GABRG3: variants seen among roughly 807,000 people sequenced by gnomAD.
The protein encoded by GABRG3 is gamma-aminobutyric acid receptor subunit gamma-3.
In GABRG3, 25 loss-of-function variants were observed where a neutral mutation model predicts 48.8. That is an observed-to-expected ratio of 0.51 (90% CI 0.37 to 0.72). The LOEUF (loss-of-function observed/expected upper bound fraction) is 0.72, where lower values mean the gene tolerates loss of function less well. GABRG3 is among the 30% of genes least tolerant of loss of function. The pLI is 0.00. For missense variants in GABRG3, 394 were observed against 577.9 expected (o/e 0.68, Z 3.26); for synonymous variants, 227 against 217.6 (o/e 1.04, Z -0.38).
At chr15:27,306,510 TATAA>T (rs1313210619) in intron 3 of GABRG3, among the ~76,000 whole-genome samples, 1 of 138,570 alleles carries the variant, frequency 7.2e-6, no homozygotes, top group Non-Finnish European at 1.5e-5. Flanking sequence ...TATGTCTATA[TATAA>T]ACATATATAA....
intron 3 of GABRG3, among the ~76,000 whole-genome samples, chr15:27,260,841 A>G (rs1890746644): frequency 6.6e-6 from 1 of 152,128 alleles, no homozygotes; most frequent in Non-Finnish European, 1.5e-5. Flanking sequence ...AACCTGTCCT[A>G]ATGAGCTGAT....
intron 3 of GABRG3, among the ~76,000 whole-genome samples, chr15:27,071,552 G>T (rs577818675): frequency 3.9e-5 from 6 of 152,338 alleles, no homozygotes; most frequent in African/African-American, 1.4e-4. Context: ...CGTGTCCATA[G>T]ATGTGATTGC....
chr15:27,472,802 A>T (rs1015452617), intron 5 of GABRG3, among the ~76,000 whole-genome samples: 4 of 152,166 alleles, frequency 2.6e-5, no homozygotes, highest in African/African-American at 9.7e-5. Flanking sequence ...CTCTACATAT[A>T]TACATATGTA....
intron 3 of GABRG3, among the ~76,000 whole-genome samples, chr15:27,071,032 G>A (rs72715949): frequency 0.17 from 26,038 of 152,128 alleles, 2,362 homozygotes; most frequent in Middle Eastern, 0.25. Flanking sequence ...TGAATAACTA[G>A]GAGGAAGTCT....
chr15:27,031,843 A>G (rs1431351429), intron 3 of GABRG3, among the ~76,000 whole-genome samples: 1 of 152,218 alleles, frequency 6.6e-6, no homozygotes, highest in Non-Finnish European at 1.5e-5. Context: ...ATCTAAGCTC[A>G]GGAAAGTTTA....
chr15:27,210,111 A>G (rs1889023567), intron 3 of GABRG3, among the ~76,000 whole-genome samples: 1 of 152,156 alleles, frequency 6.6e-6, no homozygotes, highest in African/African-American at 2.4e-5. Flanking sequence ...TAACTATGGG[A>G]TGTTGAAGCA....
chr15:27,035,740 G>A (rs1394937047), intron 3 of GABRG3, among the ~76,000 whole-genome samples: 3 of 152,322 alleles, frequency 2.0e-5, no homozygotes, highest in Non-Finnish European at 2.9e-5. Context: ...AGGACAGGAC[G>A]AGGCACTGTT....
At chr15:27,031,449 T>A (rs1896085236) in intron 3 of GABRG3, among the ~76,000 whole-genome samples, 1 of 152,184 alleles carries the variant, frequency 6.6e-6, no homozygotes. Flanking sequence ...CTTTTTTTCC[T>A]TCGTTTTAAA....
intron 2 of GABRG3, among the ~76,000 whole-genome samples, chr15:27,022,640 G>A (rs1895916526): frequency 1.3e-5 from 2 of 152,158 alleles, no homozygotes; most frequent in South Asian, 2.1e-4. Context: ...CAATAAGCAA[G>A]GCAAAGCATC....
intron 3 of GABRG3, among the ~76,000 whole-genome samples, chr15:27,102,216 A>G (rs1897373571): frequency 6.6e-6 from 1 of 152,210 alleles, no homozygotes; most frequent in African/African-American, 2.4e-5. Flanking sequence ...GAGCTAGTCA[A>G]TTCATTTCAG....
At chr15:27,431,819 T>A (rs998235015) in intron 5 of GABRG3, among the ~76,000 whole-genome samples, 1 of 152,246 alleles carries the variant, frequency 6.6e-6, no homozygotes, top group African/African-American at 2.4e-5. Context: ...AGCAGCTGAT[T>A]TTCATATATT....
rs572129504 is a variant in GABRG3 at position 27,427,681 on chromosome 15, A to G, written c.575-52969A>G. On this transcript the variant is annotated intron_variant, in intron 5 of 9. Coordinates refer to ENST00000615808, the MANE Select transcript of GABRG3 (RefSeq NM_033223.5). ...TACCTCTATGTTCAGTTCTCATTTA[A>G]TCATTTGTTCCAAATTACAAATTCT... is the stretch of plus-strand genomic sequence containing the variant. 5.3e-5 allele frequency among the ~76,000 whole-genome samples: 8 copies of G among 152,334 alleles called. No homozygotes were observed. The South Asian group carries it at 1.7e-3, about 32-fold the overall frequency.
chr15:27,500,841 TAA>T (rs56087210), intron 6 of GABRG3, among the ~76,000 whole-genome samples: 2,345 of 148,604 alleles, frequency 0.016, 66 homozygotes, highest in African/African-American at 0.056. Flanking sequence ...TATTTGCTGT[TAA>T]AAAAAAAAAA....
intron 2 of GABRG3, among the ~76,000 whole-genome samples, chr15:26,981,450 G>A (rs1353635055): frequency 6.6e-6 from 1 of 152,130 alleles, no homozygotes. Flanking sequence ...AATGCTCCAC[G>A]GTCTTGAAAA....
chr15:27,175,650 G>A (rs1352100861), intron 3 of GABRG3, among the ~76,000 whole-genome samples: 2 of 152,166 alleles, frequency 1.3e-5, no homozygotes, highest in African/African-American at 2.4e-5. Flanking sequence ...CAGTGGAGAC[G>A]ATAAAACAAA....
intron 3 of GABRG3, among the ~76,000 whole-genome samples, chr15:27,140,270 C>T (rs893423510): frequency 2.0e-5 from 3 of 152,038 alleles, no homozygotes; most frequent in Admixed American, 6.6e-5. Context: ...GCCCTCAACC[C>T]GTGAGGGCTG....
intron 6 of GABRG3, among the ~76,000 whole-genome samples, chr15:27,513,642 A>G (rs1890952415): frequency 6.6e-6 from 1 of 152,114 alleles, no homozygotes; most frequent in Non-Finnish European, 1.5e-5. Flanking sequence ...AATGTTTGTG[A>G]GACGAGGAAA....
intron 3 of GABRG3, among the ~76,000 whole-genome samples, chr15:27,141,223 T>A (rs1451453522): frequency 2.0e-5 from 3 of 152,228 alleles, no homozygotes; most frequent in African/African-American, 7.2e-5. Context: ...TTAGACCGCT[T>A]TGTCTAGTTA....
intron 3 of GABRG3, among the ~76,000 whole-genome samples, chr15:27,313,104 T>C (rs1893052786): frequency 6.8e-6 from 1 of 146,266 alleles, no homozygotes; most frequent in African/African-American, 2.5e-5. Context: ...TCAGGCAAAA[T>C]AGACTAATTC....
Sources: allele counts gnomAD v4.1 joint callset (sites outside exome capture counted in the v4.1 genomes callset), GRCh38; gene constraint gnomAD v4.1.1; transcripts MANE v1.5; gene names NCBI Gene and HGNC (gene_info 2026-07-23, HGNC 2026-07-21).